The following CERS3 variants were observed in gnomAD, a reference collection of about 807,000 sequenced individuals.
CERS3 encodes ceramide synthase 3.
Under a neutral mutation model 50.3 loss-of-function variants are expected in CERS3, and 33 were observed. The observed-to-expected ratio is 0.66, with a 90% CI of 0.50 to 0.88. CERS3 has a LOEUF of 0.88. CERS3 is among the 40% of genes least tolerant of loss of function. CERS3 has a pLI of 0.00. For synonymous variants in CERS3, 176 were observed against 155.2 expected (o/e 1.13, Z -0.99); for missense variants, 470 against 460.3 (o/e 1.02, Z -0.19).
intron 5 of CERS3, among the ~76,000 whole-genome samples, chr15:100,481,221 T>G (rs2035289318): frequency 6.6e-6 from 1 of 152,188 alleles, no homozygotes; most frequent in Admixed American, 6.5e-5. Flanking sequence ...AAGCTGCACC[T>G]TGAAGTGCAG....
In CERS3 at chr15:100,401,129, C is replaced by T. The variant is rs1016344414; in HGVS notation, c.*1584G>A. ...CGGCTCCAGGGGCCCTGCAGCTGCT[C>T]TGCTTGGGGCTGATTTTCCAGTCCC... On this transcript the variant is annotated 3_prime_UTR_variant, in exon 12 of 12. Coordinates refer to ENST00000679737, the MANE Select transcript of CERS3 (RefSeq NM_001378789.1). 6.6e-6 allele frequency: 1 copy of T among 152,226 alleles called. No homozygotes were observed. The highest frequency in any genetic ancestry group is 1.5e-5 in the Non-Finnish European group (1 of 68,068). The allele number at this position is 152,226 out of a possible 1,614,324, so 9.4% of individuals were successfully genotyped here. A position where few individuals can be genotyped will look rare whatever the true frequency, so the allele number is the denominator to read the frequency against.
intron 11 of CERS3, among the ~76,000 whole-genome samples, chr15:100,444,696 G>A (rs1322954299): frequency 2.6e-5 from 4 of 152,264 alleles, no homozygotes; most frequent in Non-Finnish European, 5.9e-5. Context: ...ATCAAGCTCA[G>A]GGATTTGCCT....
chr15:100,486,268 T>C (rs1311170065), intron 4 of CERS3, among the ~76,000 whole-genome samples: 1 of 152,206 alleles, frequency 6.6e-6, no homozygotes. Flanking sequence ...CATGTTCCCT[T>C]GCAGGAAGGA....
At chr15:100,491,893 CTTTTTT>C (rs35370636) in intron 3 of CERS3, among the ~76,000 whole-genome samples, 2 of 146,428 alleles carry the variant, frequency 1.4e-5, no homozygotes, top group South Asian at 4.4e-4. Flanking sequence ...TTATTGATTT[CTTTTTT>C]TTTTTTTAAG....
At chr15:100,526,325 A>C (rs962862567) in intron 1 of CERS3, among the ~76,000 whole-genome samples, 48 of 152,228 alleles carry the variant, frequency 3.2e-4, no homozygotes, top group African/African-American at 1.2e-3. Context: ...CTTGGGGCCC[A>C]AGATAAATGA....
At chr15:100,508,960 T>C (rs1220974060) in intron 2 of CERS3, among the ~76,000 whole-genome samples, 1 of 152,222 alleles carries the variant, frequency 6.6e-6, no homozygotes, top group African/African-American at 2.4e-5. Flanking sequence ...ATATGAAATA[T>C]TTGCAAGAAA....
At chr15:100,451,828 T>C (rs978412957) in intron 11 of CERS3, among the ~76,000 whole-genome samples, 1 of 152,102 alleles carries the variant, frequency 6.6e-6, no homozygotes, top group Non-Finnish European at 1.5e-5. Context: ...GAAACACCTA[T>C]ACTTATATCA....
chr15:100,503,752 A>T (rs186174951), intron 2 of CERS3: 8 of 470,784 alleles, frequency 1.7e-5, no homozygotes, highest in African/African-American at 1.6e-4. Context: ...GCCTCAGGAG[A>T]TGGAGAAACT....
At chr15:100,432,058 T>C (rs1024906444) in intron 11 of CERS3, among the ~76,000 whole-genome samples, 4 of 101,256 alleles carry the variant, frequency 4.0e-5, no homozygotes, top group South Asian at 8.1e-4. Context: ...GTTCCTTTAA[T>C]AGGCCCTCTT....
chr15:100,544,460 G>GGGGCACGGGCCC (rs1567697426), intron 1 of CERS3: 1 of 47,292 alleles, frequency 2.1e-5, no homozygotes, highest in Admixed American at 2.1e-4. Flanking sequence ...CTCGGCCTAG[G>GGGGCACGGGCCC]TCTGCGCGGG....
At chr15:100,459,218 A>T (rs193059172) in intron 10 of CERS3, among the ~76,000 whole-genome samples, 2,724 of 152,326 alleles carry the variant, frequency 0.018, 38 homozygotes, top group Middle Eastern at 0.082. Flanking sequence ...TCATAATTTA[A>T]CTAATCCCTT....
intron 5 of CERS3, among the ~76,000 whole-genome samples, chr15:100,482,003 T>A (rs1028479273): frequency 8.5e-5 from 13 of 152,366 alleles, no homozygotes; most frequent in Middle Eastern, 3.4e-3. Context: ...TCTCCTGTTT[T>A]ATAAATATCT....
intron 11 of CERS3, among the ~76,000 whole-genome samples, chr15:100,454,364 T>A (rs1429815900): frequency 1.5e-5 from 2 of 131,358 alleles, no homozygotes; most frequent in African/African-American, 5.7e-5. Flanking sequence ...CACTCTAGCC[T>A]TGAAGACAGA....
intron 1 of CERS3, among the ~76,000 whole-genome samples, chr15:100,540,159 C>A (rs1439417566): frequency 6.6e-6 from 1 of 152,240 alleles, no homozygotes; most frequent in African/African-American, 2.4e-5. Flanking sequence ...AGCCCACTGG[C>A]TATGATCACT....
At chr15:100,532,356 C>G (rs766983405), upstream of CERS3, among the ~76,000 whole-genome samples, 2 of 152,160 alleles carry the variant, frequency 1.3e-5, no homozygotes, top group African/African-American at 2.4e-5. Context: ...CTTAACCTAA[C>G]CGGCAAAATT....
rs1238388434 is a variant in CERS3 at position 100,417,396 on chromosome 15, C to T, written c.1000-14531G>A. On this transcript the variant is annotated intron_variant, in intron 11 of 11. Coordinates refer to ENST00000679737, the MANE Select transcript of CERS3 (RefSeq NM_001378789.1). ...GACGGGCTTAAAAAATGGCGCACCA[C>T]GAGATTATATCCCACACCTGGCTCT... is the stretch of plus-strand genomic sequence containing the variant. Among the ~76,000 whole-genome samples the T allele has an allele frequency of 1.8e-4, 27 of 152,034 alleles. 2 individuals carry two copies. The highest frequency in any genetic ancestry group is 2.6e-4 in the Admixed American group (4 of 15,272).
chr15:100,462,759 A>T (rs2034591830), intron 10 of CERS3, among the ~76,000 whole-genome samples: 1 of 152,224 alleles, frequency 6.6e-6, no homozygotes, highest in Non-Finnish European at 1.5e-5. Context: ...ATGAAAGACA[A>T]AGAAGAGGTA....
intron 4 of CERS3, 42 bp from the exon 5 acceptor site, chr15:100,484,710 A>G: frequency 7.2e-7 from 1 of 1,390,238 alleles, no homozygotes; most frequent in Non-Finnish European, 1.0e-6. Flanking sequence ...TAAAGAACAG[A>G]GTCAGACTGG....
chr15:100,516,904 G>T (rs905549), intron 2 of CERS3, among the ~76,000 whole-genome samples: 24 of 152,218 alleles, frequency 1.6e-4, no homozygotes, highest in Admixed American at 7.2e-4. Flanking sequence ...AACAAGAGTA[G>T]GATTTCCAGG....
Sources: gnomAD v4.1 joint callset for allele counts (sites outside exome capture counted in the v4.1 genomes callset) on GRCh38, gnomAD v4.1.1 for gene constraint, MANE v1.5 for transcripts, NCBI Gene and HGNC (gene_info 2026-07-23, HGNC 2026-07-21) for gene names.